Variants in PCDH1 observed in about 807,000 individuals in gnomAD.
PCDH1 encodes protocadherin-1.
Under a neutral mutation model 74.6 loss-of-function variants are expected in PCDH1, and 23 were observed. That is an observed-to-expected ratio of 0.31 (90% CI 0.22 to 0.44). The LOEUF is 0.44. PCDH1 is among the 20% of genes least tolerant of loss of function. The probability of loss-of-function intolerance (pLI) is 1.00; values close to 1 mark genes in which losing one functional copy is unlikely to be tolerated. For missense variants in PCDH1, 1,214 were observed against 1,641.4 expected (o/e 0.74, Z 4.50); for synonymous variants, 647 against 686.1 (o/e 0.94, Z 0.89).
rs558213232 is a variant in PCDH1 at position 141,873,189 on chromosome 5, G to A, written c.41-3758C>T. On this transcript the variant is annotated intron_variant, in intron 1 of 4. Transcript: ENST00000287008. ...TTGCCAGGCTGGAGTGCAGTGGTGC[G>A]ATCTGGCCTCACTGCAACCTCCACC... 2.7e-4 allele frequency among the ~76,000 whole-genome samples: 41 copies of A among 151,790 alleles called. 1 individual carries two copies. The South Asian group carries it at 7.1e-3, about 26-fold the overall frequency.
rs1366729736 is a variant in PCDH1, at chr5:141,869,504, G to C, written c.41-73C>G. On this transcript the variant is annotated intron_variant, in intron 1 of 4. Coordinates refer to ENST00000287008, the MANE Select transcript of PCDH1 (RefSeq NM_032420.5). The surrounding 1 kb of genome is among the most constrained non-coding windows in gnomAD (Gnocchi z 4.9). ...CCTGGCCCTGAGCTGCCCAGAGCTG[G>C]CCCCATACTCACCCTCTCCCACTGA... 14 of 1,561,950 alleles carry C rather than the reference G, an allele frequency of 9.0e-6. No individual in the cohort carries two copies. In the Admixed American group the frequency reaches 2.7e-4, roughly 30 times the overall value.
intron 4 of PCDH1, among the ~76,000 whole-genome samples, chr5:141,855,793 G>A (rs763279202): frequency 4.6e-5 from 7 of 152,084 alleles, no homozygotes; most frequent in Non-Finnish European, 7.4e-5. Context: ...CCAGCTCCCT[G>A]CCCAGAACAC....
intron 3 of PCDH1, among the ~76,000 whole-genome samples, chr5:141,857,853 G>A (rs960441980): frequency 2.6e-5 from 4 of 152,152 alleles, no homozygotes; most frequent in Non-Finnish European, 5.9e-5. Flanking sequence ...AGAATGACCT[G>A]TAATACGGTG....
At chr5:141,866,593 A>C (rs1404925617) in intron 2 of PCDH1, among the ~76,000 whole-genome samples, 1 of 152,134 alleles carries the variant, frequency 6.6e-6, no homozygotes, top group South Asian at 2.1e-4. Flanking sequence ...AAAACAGAAG[A>C]GTCCTGGGTT....
chr5:141,863,390 G>T lies in PCDH1; in HGVS notation c.2941C>A (p.Gln981Lys). ...TTGGAGGCTGAGGGTGACTGGGGCT[G>T]CAGCTGGATGGAAGGCAGTGGGGAG... is the stretch of plus-strand genomic sequence containing the variant. ...SNSPLPSIQL[Q>K]PQSPSASKKH... Residue 981 changes from glutamine (Q) to lysine (K), a missense_variant, in exon 3 of 5, where the codon CAG (glutamine) becomes AAG (lysine). Gln to Lys is a moderately conservative substitution (Grantham distance 53). Transcript: ENST00000287008. This position sits in a 1 kb window ranked among gnomAD's most constrained non-coding sequence, Gnocchi z 7.5. 6.4e-7 allele frequency: 1 copy of T among 1,550,832 alleles called. No homozygotes were observed.
Position 141,878,274 on chromosome 5 carries a change from G to A in PCDH1, c.-12C>T, listed in dbSNP as rs1220804304. On this transcript the variant is annotated 5_prime_UTR_variant, in exon 1 of 5. Transcript: ENST00000287008. The surrounding 1 kb of genome is among the most constrained non-coding windows in gnomAD (Gnocchi z 5.5). ...GCCCCGCTGTCCATGAGCCGCCGCC[G>A]GCCCCGGCCTGGGCTGCGGCTCCGC... is the stretch of plus-strand genomic sequence containing the variant. 1 of 1,290,436 alleles carries A rather than the reference G, an allele frequency of 7.7e-7. No individual in the cohort carries two copies. The highest frequency in any genetic ancestry group is 9.8e-7 in the Non-Finnish European group (1 of 1,023,538). 79.9% of individuals were successfully genotyped at this position (1,290,436 alleles called of 1,614,324 possible). A position where few individuals can be genotyped will look rare whatever the true frequency, so the allele number is the denominator to read the frequency against.
chr5:141,869,823 G>C lies in PCDH1; in HGVS notation c.41-392C>G, dbSNP rs931358249. 6.1e-6 allele frequency: 6 copies of C among 983,854 alleles called. No individual in the cohort carries two copies. The highest frequency in any genetic ancestry group is 5.2e-4 in the Middle Eastern group (1 of 1,912). The allele number at this position is 983,854 out of a possible 1,614,324, so 60.9% of individuals were successfully genotyped here. A position where few individuals can be genotyped will look rare whatever the true frequency, so the allele number is the denominator to read the frequency against. ...TCACGAGCATCCTGCCTTAGTCACC[G>C]ATGGTAATTACCTTGATACTGAGAT... On this transcript the variant is annotated intron_variant, in intron 1 of 4. Transcript: ENST00000287008. This position sits in a 1 kb window ranked among gnomAD's most constrained non-coding sequence, Gnocchi z 4.9.
At chr5:141,874,873 T>C (rs1753181070) in intron 1 of PCDH1, among the ~76,000 whole-genome samples, 1 of 151,128 alleles carries the variant, frequency 6.6e-6, no homozygotes, top group African/African-American at 2.4e-5. Context: ...TTGCGTGGGG[T>C]GGAGCTGAAC....
rs1596542310 is a variant in PCDH1, at chr5:141,854,303, T to G, written c.3453A>C (p.Lys1151Asn). Residue 1151 changes from lysine (K) to asparagine (N), a missense_variant, in exon 5 of 5, where the codon AAA (lysine) becomes AAC (asparagine). This residue lies in a region of PCDH1 where 194 missense variants were observed against 198.3 expected (regional missense o/e 0.98). Coordinates refer to ENST00000287008, the MANE Select transcript of PCDH1 (RefSeq NM_032420.5). ...CCTGGTAAGGCACGAAGGTGGAGAG[T>G]TTGAGGGCGCTGCTCTTGGTCCGGC... is the stretch of plus-strand genomic sequence containing the variant. Reference protein sequence around the residue: ...PSRRTKSSALKLSTFVPYQDR... With the variant: ...PSRRTKSSALNLSTFVPYQDR... 6.2e-7 allele frequency: 1 copy of G among 1,613,090 alleles called. No homozygotes were observed. Among genetic ancestry groups the G allele is most frequent in the South Asian group, 1.1e-5 (1 of 91,012 alleles).
At chr5:141,861,841 G>C (rs1314037773) in intron 3 of PCDH1, among the ~76,000 whole-genome samples, 1 of 152,052 alleles carries the variant, frequency 6.6e-6, no homozygotes, top group South Asian at 2.1e-4. Context: ...AGACCCAGGA[G>C]AGCAAGAAGT....
In PCDH1 at chr5:141,854,895, C is replaced by A. The variant is rs547129068; in HGVS notation, c.3320-459G>T. 1.6e-4 allele frequency among the ~76,000 whole-genome samples: 25 copies of A among 152,112 alleles called. No individual in the cohort carries two copies. In the South Asian group the frequency reaches 5.2e-3, roughly 32 times the overall value. ...CCAGGTTGACCAGGCTGGTCTTGAA[C>A]TCCTGACCTCAGGTGATCCACCCAC... On this transcript the variant is annotated intron_variant, in intron 4 of 4. Coordinates refer to ENST00000287008, the MANE Select transcript of PCDH1 (RefSeq NM_032420.5).
In PCDH1 at chr5:141,868,694, G is replaced by A. The variant is rs762909406; in HGVS notation, c.778C>T (p.Arg260Cys). Residue 260 changes from arginine to cysteine, a missense_variant, in exon 2 of 5, where the codon CGC becomes TGC. Around this residue, in one of 4 missense-constraint regions of PCDH1, gnomAD observed 836 missense variants for 1,182.2 expected, o/e 0.71. Coordinates refer to ENST00000287008, the MANE Select transcript of PCDH1 (RefSeq NM_032420.5). This position sits in a 1 kb window ranked among gnomAD's most constrained non-coding sequence, Gnocchi z 4.8. ...ACACGCAGCAGGGCACTGCTGGCGCGTGGGGGGCTGCCGCCATCCTGCACC... is the reference window on the plus strand; with the variant it reads ...ACACGCAGCAGGGCACTGCTGGCGCATGGGGGGCTGCCGCCATCCTGCACC... ...IKVQDGGSPP[R>C]ASSALLRVTV... The A allele has an allele frequency of 1.1e-5, 18 of 1,613,846 alleles. No individual in the cohort carries two copies. The highest frequency in any genetic ancestry group is 2.2e-5 in the South Asian group (2 of 91,072).
intron 2 of PCDH1, chr5:141,867,359 T>C (rs554172333): frequency 1.3e-4 from 37 of 291,464 alleles, no homozygotes; most frequent in African/African-American, 7.5e-4. Context: ...GAAGCCAGAC[T>C]CTTGGCTGCG....
chr5:141,863,286 C>T lies in PCDH1; in HGVS notation c.3045G>A (p.Glu1015=), dbSNP rs752103828. Residue 1015 remains glutamate, a synonymous_variant, in exon 3 of 5, where the codon GAG becomes GAA. Transcript: ENST00000287008. The surrounding 1 kb of genome is among the most constrained non-coding windows in gnomAD (Gnocchi z 7.5). ...TGCGGTAGCTGTAGTCGGAGTACTG[C>T]TCAGAGCCCGTGGACGTGGTGTCCC... ...GTGDTTSTGS[E]QYSDYSYRTN... is the part of the protein sequence containing the mutation. 3.2e-6 allele frequency: 5 copies of T among 1,586,886 alleles called. No individual in the cohort carries two copies. In the South Asian group the frequency reaches 5.8e-5, roughly 18 times the overall value.
rs752293984 is a variant in PCDH1, at chr5:141,854,325, C to T, written c.3431G>A (p.Arg1144Gln). 10 of 1,613,808 alleles carry T rather than the reference C, an allele frequency of 6.2e-6. No homozygotes were observed. The highest frequency in any genetic ancestry group is 1.7e-5 in the Admixed American group (1 of 60,008). Reference sequence around the variant, plus strand: ...GAGTTTGAGGGCGCTGCTCTTGGTCCGGCGGCTGGGAGATGACTGGCCAGG... The same window carrying T: ...GAGTTTGAGGGCGCTGCTCTTGGTCTGGCGGCTGGGAGATGACTGGCCAGG... ...WMPGQSSPSR[R>Q]TKSSALKLST... Residue 1144 changes from arginine to glutamine, a missense_variant, in exon 5 of 5, where the codon CGG becomes CAG. Transcript: ENST00000287008.
chr5:141,877,927 G>C lies in PCDH1; in HGVS notation c.40+296C>G, dbSNP rs75101375. On this transcript the variant is annotated intron_variant, in intron 1 of 4. Transcript: ENST00000287008. ...CCATCCTCCACGCCGCGCGCTCCTGGAGTCTCCTTATCCCCGTCTCTCCGA... is the reference window on the plus strand; with the variant it reads ...CCATCCTCCACGCCGCGCGCTCCTGCAGTCTCCTTATCCCCGTCTCTCCGA... Among the ~76,000 whole-genome samples, 156 of 152,184 alleles carry C rather than the reference G, an allele frequency of 1.0e-3. 2 individuals carry two copies. In the East Asian group the frequency reaches 0.014, roughly 14 times the overall value.
At position 141,865,002 on chromosome 5, in the gene PCDH1, G is replaced by T; in HGVS notation, c.1329C>A (p.Arg443=). ...VVAGDVPFQL[R]QASETGSDSK... is the part of the protein sequence containing the mutation. ...TGTCACTGCCTGTCTCACTGGCCTG[G>T]CGCAGCTGGAAGGGCACATCACCTG... Residue 443 remains arginine (R), a synonymous_variant, in exon 3 of 5, where the codon CGC becomes CGA. Transcript: ENST00000287008. The surrounding 1 kb of genome is among the most constrained non-coding windows in gnomAD (Gnocchi z 4.4). 6.2e-7 allele frequency: 1 copy of T among 1,614,106 alleles called. No individual in the cohort carries two copies. Among genetic ancestry groups the T allele is most frequent in the East Asian group, 2.2e-5 (1 of 44,876 alleles).
At chr5:141,874,539 G>A (rs1260979328) in intron 1 of PCDH1, among the ~76,000 whole-genome samples, 1 of 152,218 alleles carries the variant, frequency 6.6e-6, no homozygotes, top group Non-Finnish European at 1.5e-5. Flanking sequence ...CGTCAGGGGT[G>A]TAGGAGTAAG....
At chr5:141,874,239 G>C (rs543942273) in intron 1 of PCDH1, among the ~76,000 whole-genome samples, 1 of 152,328 alleles carries the variant, frequency 6.6e-6, no homozygotes, top group South Asian at 2.1e-4. Flanking sequence ...AAGAGAGCCA[G>C]GGTGGCCTGG....
Sources: gnomAD v4.1 joint callset for allele counts (sites outside exome capture counted in the v4.1 genomes callset) on GRCh38, gnomAD v4.1.1 for gene constraint, gnomAD v4.1.1 regional missense constraint, Gnocchi (gnomAD v3.1) non-coding constraint, MANE v1.5 for transcripts, NCBI Gene and HGNC (gene_info 2026-07-23, HGNC 2026-07-21) for gene names.